Variants in ST13 observed in about 807,000 individuals in gnomAD.
The protein encoded by ST13 is hsc70-interacting protein.
ST13 carries 23 observed loss-of-function variants against 56.7 expected under a neutral mutation model. The ratio of observed to expected loss-of-function variants is 0.41; its 90% CI spans 0.29 to 0.57. The LOEUF (loss-of-function observed/expected upper bound fraction) is 0.57. Among genes scored for constraint, ST13 ranks in the 20% least tolerant of loss-of-function variants. ST13 has a pLI of 0.36. For missense variants in ST13, 369 were observed against 459.9 expected (o/e 0.80, Z 1.81); for synonymous variants, 132 against 142.4 (o/e 0.93, Z 0.52).
intron 1 of ST13, among the ~76,000 whole-genome samples, chr22:40,854,951 T>C (rs552414013): frequency 7.2e-5 from 11 of 152,270 alleles, no homozygotes; most frequent in South Asian, 4.1e-4. Context: ...ACTATTAACA[T>C]AGTAATATTA....
At chr22:40,848,265 C>G (rs751068180) in intron 3 of ST13, 29 bp downstream of exon 3, 4 of 1,556,492 alleles carry the variant, frequency 2.6e-6, no homozygotes, top group Non-Finnish European at 3.5e-6. Context: ...CATAGGTTTT[C>G]AAATACAAAC....
At chr22:40,854,138 C>G (rs1569007027) in intron 1 of ST13, among the ~76,000 whole-genome samples, 2 of 152,204 alleles carry the variant, frequency 1.3e-5, no homozygotes, top group African/African-American at 4.8e-5. Flanking sequence ...CACATGTTTT[C>G]AACTTGAGTA....
chr22:40,856,166 C>T (rs538731784), intron 1 of ST13, among the ~76,000 whole-genome samples: 53 of 152,174 alleles, frequency 3.5e-4, no homozygotes, highest in Non-Finnish European at 6.5e-4. Context: ...TCCACGCATC[C>T]GCAGTCCTGT....
intron 8 of ST13, chr22:40,832,338 C>T: frequency 1.9e-6 from 1 of 530,946 alleles, no homozygotes; most frequent in African/African-American, 1.9e-5. Context: ...AATTCCACTG[C>T]AGGCTTCCAA....
rs1296838039 is a variant in ST13 at position 40,824,855 on chromosome 22, T to TG, written c.*1682dup. 1 of 152,218 alleles carries TG rather than the reference T, an allele frequency of 6.6e-6. No individual in the cohort carries two copies. The highest frequency in any genetic ancestry group is 1.5e-5 in the Non-Finnish European group (1 of 68,038). 9.4% of individuals were successfully genotyped at this position (152,218 alleles called of 1,614,324 possible). ...CAGCATAATAGCTTTTTCTCATTTA[T>TG]GTAACAGATGCATTTCTGTCTGCTT... On this transcript the variant is annotated 3_prime_UTR_variant, in exon 12 of 12. Coordinates refer to ENST00000216218, the MANE Select transcript of ST13 (RefSeq NM_003932.5).
intron 10 of ST13, among the ~76,000 whole-genome samples, chr22:40,829,138 A>C (rs1012769761): frequency 2.6e-5 from 4 of 152,230 alleles, no homozygotes; most frequent in Non-Finnish European, 5.9e-5. Context: ...ATTTTCTAGC[A>C]TCGGATCATG....
At chr22:40,840,372 A>G (rs1569001923) in intron 5 of ST13, among the ~76,000 whole-genome samples, 1 of 151,454 alleles carries the variant, frequency 6.6e-6, no homozygotes, top group Non-Finnish European at 1.5e-5. Context: ...CACCTCTTTA[A>G]AGCCTCTTCT....
chr22:40,831,956 G>GCC, intron 8 of ST13: 1 of 243,274 alleles, frequency 4.1e-6, no homozygotes, highest in Non-Finnish European at 8.4e-6. Flanking sequence ...AGGTTCAAGT[G>GCC]ATTCTCCTGC....
intron 7 of ST13, among the ~76,000 whole-genome samples, chr22:40,834,484 TTAA>T (rs2057768377): frequency 6.6e-6 from 1 of 152,050 alleles, no homozygotes; most frequent in South Asian, 2.1e-4. Flanking sequence ...AACAAAACAT[TTAA>T]TGTTACATTT....
chr22:40,830,350 G>A (rs1313318835), intron 9 of ST13, among the ~76,000 whole-genome samples: 1 of 152,074 alleles, frequency 6.6e-6, no homozygotes, highest in African/African-American at 2.4e-5. Flanking sequence ...AATTATTGTA[G>A]CATCACACTA....
At chr22:40,840,295 A>G (rs1839646180) in intron 5 of ST13, among the ~76,000 whole-genome samples, 1 of 151,654 alleles carries the variant, frequency 6.6e-6, no homozygotes, top group Non-Finnish European at 1.5e-5. Context: ...TGTCAAGGGT[A>G]TTAGTATGTA....
intron 4 of ST13, among the ~76,000 whole-genome samples, chr22:40,841,014 A>G (rs1214741457): frequency 2.6e-5 from 4 of 152,146 alleles, no homozygotes; most frequent in African/African-American, 9.7e-5. Context: ...AAAGATAACT[A>G]GCTCCTTTTA....
chr22:40,845,519 A>C (rs946455710), intron 3 of ST13, among the ~76,000 whole-genome samples: 2 of 152,162 alleles, frequency 1.3e-5, no homozygotes, highest in Admixed American at 6.6e-5. Flanking sequence ...TTTAAAATAA[A>C]GGCTTACTAC....
intron 5 of ST13, among the ~76,000 whole-genome samples, chr22:40,838,493 C>T (rs1323382895): frequency 6.6e-6 from 1 of 151,976 alleles, no homozygotes; most frequent in Non-Finnish European, 1.5e-5. Flanking sequence ...GGGCACAGTG[C>T]CTCACACCTG....
intron 4 of ST13, among the ~76,000 whole-genome samples, chr22:40,842,648 T>C (rs2057810115): frequency 6.6e-6 from 1 of 152,146 alleles, no homozygotes. Flanking sequence ...AAGGAGGCAA[T>C]ATTTAATAAC....
intron 7 of ST13, 83 bp downstream of exon 7, chr22:40,835,477 T>C: frequency 1.7e-6 from 2 of 1,211,946 alleles, no homozygotes; most frequent in Non-Finnish European, 1.2e-6. Context: ...TAGGAACTTT[T>C]GTGTTTTTGT....
Position 40,851,891 on chromosome 22 carries a change from T to C in ST13, c.111-1011A>G, listed in dbSNP as rs150155131. ...CTCCCAAGTAGCTGGGACTACAGGG[T>C]GCATGCCATCACACCCAGCTGATTT... On this transcript the variant is annotated intron_variant, in intron 1 of 11. Transcript: ENST00000216218. Among the ~76,000 whole-genome samples, 957 of 151,910 alleles carry C rather than the reference T, an allele frequency of 6.3e-3. 6 individuals are homozygous for C. Among genetic ancestry groups the C allele is most frequent in the Non-Finnish European group, 0.01 (699 of 67,932 alleles).
At chr22:40,853,768 G>A (rs912479817) in intron 1 of ST13, among the ~76,000 whole-genome samples, 3 of 152,092 alleles carry the variant, frequency 2.0e-5, no homozygotes, top group African/African-American at 4.8e-5. Flanking sequence ...CATGTGCCAC[G>A]TACTGTACTA....
Position 40,825,324 on chromosome 22 carries a change from CCT to C in ST13, c.*1212_*1213del, listed in dbSNP as rs1026615983. 8 of 152,186 alleles carry C rather than the reference CCT, an allele frequency of 5.3e-5. No individual in the cohort carries two copies. Among genetic ancestry groups the C allele is most frequent in the East Asian group, 3.9e-4 (2 of 5,178 alleles). 9.4% of individuals were successfully genotyped at this position (152,186 alleles called of 1,614,324 possible). A position where few individuals can be genotyped will look rare whatever the true frequency, so the allele number is the denominator to read the frequency against. On this transcript the variant is annotated 3_prime_UTR_variant, in exon 12 of 12. Coordinates refer to ENST00000216218, the MANE Select transcript of ST13 (RefSeq NM_003932.5). ...ACATTGGATAAAAAAAATCGGTTCCCCTCTGTGTGTATCAATTTAATTCAAAC... is the reference window on the plus strand; with the variant it reads ...ACATTGGATAAAAAAAATCGGTTCCCCTGTGTGTATCAATTTAATTCAAAC...
Sources: gnomAD v4.1 joint callset for allele counts (sites outside exome capture counted in the v4.1 genomes callset) on GRCh38, gnomAD v4.1.1 for gene constraint, MANE v1.5 for transcripts, NCBI Gene and HGNC (gene_info 2026-07-23, HGNC 2026-07-21) for gene names.